Variants in CYP19A1 observed in about 807,000 individuals in gnomAD.
CYP19A1 encodes aromatase.
A neutral mutation model predicts 44.4 loss-of-function variants in CYP19A1; 32 were observed. The observed-to-expected ratio is 0.72, with a 90% CI of 0.54 to 0.97. CYP19A1 has a LOEUF of 0.97. Among genes scored for constraint, CYP19A1 ranks in the 50% least tolerant of loss-of-function variants. The pLI is 0.00. For synonymous variants in CYP19A1, 212 were observed against 215.6 expected (o/e 0.98, Z 0.14); for missense variants, 598 against 637.8 (o/e 0.94, Z 0.67).
At chr15:51,277,947 T>C (rs2035374951) in intron 1 of CYP19A1, 1 of 148,180 alleles carries the variant, frequency 6.7e-6, no homozygotes, top group Non-Finnish European at 1.5e-5. Flanking sequence ...CTTCAATAGT[T>C]GCATGAGTTT....
At chr15:51,304,464 G>C (rs2036174344) in intron 1 of CYP19A1, among the ~76,000 whole-genome samples, 1 of 152,156 alleles carries the variant, frequency 6.6e-6, no homozygotes, top group Admixed American at 6.5e-5. Flanking sequence ...GCTTTCCAGA[G>C]ATAAAACTCT....
chr15:51,323,579 A>G (rs2036561763), intron 1 of CYP19A1, among the ~76,000 whole-genome samples: 1 of 151,452 alleles, frequency 6.6e-6, no homozygotes, highest in Non-Finnish European at 1.5e-5. Context: ...TAAAATGGCT[A>G]TGGAGTCACT....
chr15:51,260,369 A>G (rs1178669675), intron 1 of CYP19A1, among the ~76,000 whole-genome samples: 1 of 152,254 alleles, frequency 6.6e-6, no homozygotes, highest in Non-Finnish European at 1.5e-5. Flanking sequence ...GAGGTAAACC[A>G]TGCTATCATA....
intron 3 of CYP19A1, among the ~76,000 whole-genome samples, chr15:51,233,235 A>AAC (rs35397743): frequency 0.4 from 60,443 of 151,966 alleles, 13,297 homozygotes; most frequent in Non-Finnish European, 0.51. Context: ...TCTGCCTGAT[A>AAC]AGTGTGACCA....
chr15:51,284,263 T>C (rs767530494), intron 1 of CYP19A1, among the ~76,000 whole-genome samples: 4 of 152,208 alleles, frequency 2.6e-5, no homozygotes, highest in Non-Finnish European at 5.9e-5. Flanking sequence ...CCTATTTGCA[T>C]AGTGACTATT....
At chr15:51,246,665 C>G (rs967958755) in intron 1 of CYP19A1, among the ~76,000 whole-genome samples, 1 of 152,164 alleles carries the variant, frequency 6.6e-6, no homozygotes, top group African/African-American at 2.4e-5. Flanking sequence ...CGAAGGACTC[C>G]CAGATCCCCT....
At chr15:51,318,412 A>G (rs2036467772) in intron 1 of CYP19A1, 1 of 152,158 alleles carries the variant, frequency 6.6e-6, no homozygotes. Flanking sequence ...TCTTGTCCCT[A>G]CTCAGACTCC....
intron 2 of CYP19A1, 93 bp downstream of exon 2, chr15:51,242,675 C>G: frequency 1.3e-6 from 1 of 793,598 alleles, no homozygotes; most frequent in Non-Finnish European, 2.2e-6. Context: ...TCCAGGTTTG[C>G]TTTTTGTCCT....
intron 1 of CYP19A1, chr15:51,318,517 C>T (rs2036469922): frequency 6.6e-6 from 1 of 152,270 alleles, no homozygotes; most frequent in Admixed American, 6.5e-5. Flanking sequence ...AGCCAGTTTC[C>T]CATCACATCA....
At chr15:51,241,871 C>T (rs1211100820) in intron 2 of CYP19A1, among the ~76,000 whole-genome samples, 1 of 152,120 alleles carries the variant, frequency 6.6e-6, no homozygotes, top group Non-Finnish European at 1.5e-5. Flanking sequence ...CCCCATGCTC[C>T]CACTTCTGAT....
chr15:51,303,705 T>A (rs2036159714), intron 1 of CYP19A1, among the ~76,000 whole-genome samples: 1 of 152,150 alleles, frequency 6.6e-6, no homozygotes, highest in Non-Finnish European at 1.5e-5. Context: ...ACTGAAGAGA[T>A]GGTCCCTCTA....
intron 1 of CYP19A1, among the ~76,000 whole-genome samples, chr15:51,333,597 G>T (rs1242211176): frequency 6.6e-6 from 1 of 152,188 alleles, no homozygotes; most frequent in African/African-American, 2.4e-5. Context: ...TGTTTCATTT[G>T]GAAAGGTGGT....
At chr15:51,265,265 C>T (rs563973337) in intron 1 of CYP19A1, among the ~76,000 whole-genome samples, 12 of 152,378 alleles carry the variant, frequency 7.9e-5, no homozygotes, top group Non-Finnish European at 5.9e-5. Context: ...CCTCCCTTCC[C>T]TCTGAGATGT....
intron 8 of CYP19A1, among the ~76,000 whole-genome samples, chr15:51,213,101 G>T (rs1595667131): frequency 6.6e-6 from 1 of 152,222 alleles, no homozygotes; most frequent in Admixed American, 6.5e-5. Flanking sequence ...TGAGATGGCA[G>T]ATTTGATCTA....
chr15:51,294,533 GA>G (rs2140992491), intron 1 of CYP19A1, among the ~76,000 whole-genome samples: 1 of 151,316 alleles, frequency 6.6e-6, no homozygotes, highest in African/African-American at 2.4e-5. Context: ...CCCCATCTGG[GA>G]AGTGAGGAGC....
intron 1 of CYP19A1, among the ~76,000 whole-genome samples, chr15:51,291,457 G>T (rs1347755652): frequency 6.6e-6 from 1 of 152,152 alleles, no homozygotes; most frequent in Non-Finnish European, 1.5e-5. Flanking sequence ...TTTGACAAGT[G>T]CTTATTGTAT....
chr15:51,324,421 T>C (rs2036576380), intron 1 of CYP19A1, among the ~76,000 whole-genome samples: 1 of 152,238 alleles, frequency 6.6e-6, no homozygotes, highest in Non-Finnish European at 1.5e-5. Context: ...AAAGCCGATT[T>C]ATAGGCTACC....
intron 1 of CYP19A1, among the ~76,000 whole-genome samples, chr15:51,250,105 G>A (rs1369143596): frequency 6.6e-6 from 1 of 152,200 alleles, no homozygotes; most frequent in Admixed American, 6.5e-5. Flanking sequence ...CATTTGTGTG[G>A]AATGAGCAAA....
At chr15:51,325,083 C>T (rs1005992992) in intron 1 of CYP19A1, among the ~76,000 whole-genome samples, 4 of 152,108 alleles carry the variant, frequency 2.6e-5, no homozygotes, top group East Asian at 1.9e-4. Flanking sequence ...TTAGGGCACA[C>T]GGTTATGTGC....
Sources: allele counts gnomAD v4.1 joint callset (sites outside exome capture counted in the v4.1 genomes callset), GRCh38; gene constraint gnomAD v4.1.1; transcripts MANE v1.5; gene names NCBI Gene and HGNC (gene_info 2026-07-23, HGNC 2026-07-21).